TTC28: variants seen among roughly 807,000 people sequenced by gnomAD.
TTC28 encodes the protein tetratricopeptide repeat protein 28.
A neutral mutation model predicts 198.0 loss-of-function variants in TTC28; 61 were observed. That is an observed-to-expected ratio of 0.31 (90% CI 0.25 to 0.38). The LOEUF is 0.38. Ranked by LOEUF, TTC28 falls within the 10% of genes least tolerant of loss-of-function variation. The pLI, the probability that TTC28 is intolerant of heterozygous loss-of-function variation, is 1.00. For synonymous variants in TTC28, 1,171 were observed against 1,297.8 expected (o/e 0.90, Z 2.10); for missense variants, 2,678 against 3,164.0 (o/e 0.85, Z 3.69).
At chr22:28,306,235 C>T (rs371058817) in intron 3 of TTC28, among the ~76,000 whole-genome samples, 2 of 152,174 alleles carry the variant, frequency 1.3e-5, no homozygotes, top group African/African-American at 4.8e-5. Flanking sequence ...CATTTACCCA[C>T]TGTCATACAG....
intron 5 of TTC28, among the ~76,000 whole-genome samples, chr22:28,268,045 T>C (rs1358381514): frequency 7.2e-5 from 11 of 152,168 alleles, no homozygotes; most frequent in Non-Finnish European, 1.6e-4. Context: ...ATTGTCCTAT[T>C]AGGGTGGAGA....
At chr22:28,570,475 T>C (rs1167596323) in intron 2 of TTC28, among the ~76,000 whole-genome samples, 2 of 152,154 alleles carry the variant, frequency 1.3e-5, no homozygotes, top group East Asian at 1.9e-4. Flanking sequence ...CGTGTTCTCA[T>C]GTATAAGTGG....
intron 6 of TTC28, among the ~76,000 whole-genome samples, chr22:28,143,625 C>T (rs911584260): frequency 3.9e-5 from 6 of 152,082 alleles, no homozygotes; most frequent in South Asian, 4.1e-4. Context: ...GAACAGAGAG[C>T]GTGAGGGAGG....
intron 5 of TTC28, among the ~76,000 whole-genome samples, chr22:28,283,500 T>C (rs1382460534): frequency 6.6e-6 from 1 of 152,142 alleles, no homozygotes; most frequent in Non-Finnish European, 1.5e-5. Context: ...AAAAATCATC[T>C]AATTAATTTC....
At chr22:28,067,811 C>T (rs1940821771) in intron 12 of TTC28, among the ~76,000 whole-genome samples, 2 of 152,180 alleles carry the variant, frequency 1.3e-5, no homozygotes, top group African/African-American at 2.4e-5. Context: ...CACTTCACAG[C>T]TGTTCTTTTA....
At chr22:27,994,900 TCCAG>T (rs1206176742) in intron 17 of TTC28, among the ~76,000 whole-genome samples, 3 of 150,592 alleles carry the variant, frequency 2.0e-5, no homozygotes, top group Non-Finnish European at 4.4e-5. Flanking sequence ...ACTGAAAGGC[TCCAG>T]ACAGTTTCCA....
intron 6 of TTC28, among the ~76,000 whole-genome samples, chr22:28,151,096 G>C (rs1187873076): frequency 1.3e-5 from 2 of 152,148 alleles, no homozygotes; most frequent in Admixed American, 6.5e-5. Context: ...ATAATCATTT[G>C]TGTAAAGAAG....
At chr22:28,618,041 G>A (rs2050929918) in intron 2 of TTC28, among the ~76,000 whole-genome samples, 1 of 152,174 alleles carries the variant, frequency 6.6e-6, no homozygotes, top group Non-Finnish European at 1.5e-5. Flanking sequence ...GGGGGGCCGA[G>A]GCAGGTGGAT....
chr22:28,330,537 T>C (rs2045598703), intron 2 of TTC28, among the ~76,000 whole-genome samples: 1 of 152,226 alleles, frequency 6.6e-6, no homozygotes. Context: ...TTGTTCCCTT[T>C]GTCATTTAAG....
intron 2 of TTC28, among the ~76,000 whole-genome samples, chr22:28,318,951 T>A (rs1472901681): frequency 6.6e-6 from 1 of 151,192 alleles, no homozygotes; most frequent in Non-Finnish European, 1.5e-5. Flanking sequence ...TGCAAGTAGT[T>A]AGGACTACAG....
At chr22:28,298,236 T>C (rs958459891) in intron 3 of TTC28, among the ~76,000 whole-genome samples, 4 of 152,236 alleles carry the variant, frequency 2.6e-5, no homozygotes, top group African/African-American at 9.6e-5. Context: ...CATTAATCTG[T>C]GTATCCAAAC....
At chr22:28,001,199 C>T (rs1937672232) in intron 15 of TTC28, 175 bp downstream of exon 15, 4 of 771,720 alleles carry the variant, frequency 5.2e-6, no homozygotes, top group Non-Finnish European at 7.9e-6. Context: ...GGGCCGTGCC[C>T]CACTTTTGGA....
intron 17 of TTC28, among the ~76,000 whole-genome samples, chr22:27,994,094 T>C (rs1230729718): frequency 6.6e-6 from 1 of 152,222 alleles, no homozygotes; most frequent in Non-Finnish European, 1.5e-5. Flanking sequence ...CCCAAGTCAC[T>C]GCTGCATGAA....
intron 1 of TTC28, among the ~76,000 whole-genome samples, chr22:28,634,741 C>T (rs1232367954): frequency 2.0e-5 from 3 of 151,628 alleles, no homozygotes; most frequent in African/African-American, 7.3e-5. Flanking sequence ...TGCACCACCA[C>T]ACCCAGCCAA....
intron 5 of TTC28, among the ~76,000 whole-genome samples, chr22:28,273,584 C>T (rs1401087614): frequency 6.6e-6 from 1 of 151,420 alleles, no homozygotes; most frequent in African/African-American, 2.4e-5. Flanking sequence ...ATAAAAAATC[C>T]GGTACAAAGT....
intron 2 of TTC28, among the ~76,000 whole-genome samples, chr22:28,320,665 A>C (rs2045431628): frequency 6.6e-6 from 1 of 152,224 alleles, no homozygotes; most frequent in Admixed American, 6.5e-5. Context: ...TGAAACAATC[A>C]GAACTGAGAG....
chr22:28,246,687 G>A (rs1018490349), intron 5 of TTC28, among the ~76,000 whole-genome samples: 8 of 152,064 alleles, frequency 5.3e-5, no homozygotes, highest in African/African-American at 1.2e-4. Flanking sequence ...GAGGATCAAC[G>A]GGGCTAAGTA....
At chr22:27,996,727 C>A (rs1937559657) in intron 16 of TTC28, among the ~76,000 whole-genome samples, 1 of 152,004 alleles carries the variant, frequency 6.6e-6, no homozygotes, top group Admixed American at 6.5e-5. Flanking sequence ...GGCTGAGGAG[C>A]ACCGCATCCC....
chr22:28,642,437 A>C (rs956092954), intron 1 of TTC28, among the ~76,000 whole-genome samples: 4 of 151,528 alleles, frequency 2.6e-5, no homozygotes, highest in African/African-American at 9.7e-5. Flanking sequence ...GCCGTTTAAA[A>C]AAAAAAACAA....
Sources: gnomAD v4.1 joint callset for allele counts (sites outside exome capture counted in the v4.1 genomes callset) on GRCh38, gnomAD v4.1.1 for gene constraint, MANE v1.5 for transcripts, NCBI Gene and HGNC (gene_info 2026-07-23, HGNC 2026-07-21) for gene names.